Variants in MYZAP observed in about 807,000 individuals in gnomAD.
MYZAP encodes GRINL1A complex locus upstream.
MYZAP carries 66 observed loss-of-function variants against 69.4 expected under a neutral mutation model. The observed-to-expected ratio is 0.95, with a 90% CI of 0.78 to 1.17. The LOEUF (loss-of-function observed/expected upper bound fraction) is 1.17, where lower values mean the gene tolerates loss of function less well. MYZAP is among the 50% of genes most tolerant of loss of function. The pLI is 0.00. For synonymous variants in MYZAP, 256 were observed against 205.9 expected (o/e 1.24, Z -2.09); for missense variants, 611 against 556.2 (o/e 1.10, Z -0.99).
intron 2 of MYZAP, among the ~76,000 whole-genome samples, chr15:57,614,162 T>C (rs1171541615): frequency 2.0e-5 from 3 of 152,226 alleles, no homozygotes; most frequent in Admixed American, 6.5e-5. Flanking sequence ...TTCACTTCAT[T>C]TGGACCATAT....
At chr15:57,600,605 T>C (rs1455280081) in intron 1 of MYZAP, among the ~76,000 whole-genome samples, 1 of 152,192 alleles carries the variant, frequency 6.6e-6, no homozygotes, top group Non-Finnish European at 1.5e-5. Flanking sequence ...ACCCCCTTTC[T>C]GAAAATTATG....
intron 10 of MYZAP, chr15:57,645,992 A>T (rs1203109811): frequency 2.7e-6 from 1 of 364,162 alleles, no homozygotes; most frequent in Non-Finnish European, 5.3e-6. Flanking sequence ...AATGTGCAAC[A>T]CACGAAAGTA....
At position 57,635,027 on chromosome 15, in the gene MYZAP, C is replaced by G. The variant is rs148166992; in HGVS notation, c.933+1286C>G. Among the ~76,000 whole-genome samples the G allele has an allele frequency of 1.9e-3, 294 of 152,236 alleles. 3 individuals carry two copies. The highest frequency in any genetic ancestry group is 6.7e-3 in the African/African-American group (280 of 41,540). ...CAGGTTTTTCTGCAGCGTAAAGAAG[C>G]AAGGTGAGCCGGCAGCATAGCAGGG... On this transcript the variant is annotated intron_variant, in intron 8 of 12. Coordinates refer to ENST00000267853, the MANE Select transcript of MYZAP (RefSeq NM_001018100.5).
intron 7 of MYZAP, among the ~76,000 whole-genome samples, 157 bp downstream of exon 7, chr15:57,632,716 C>G (rs1343458898): frequency 1.3e-5 from 2 of 152,136 alleles, no homozygotes; most frequent in African/African-American, 2.4e-5. Context: ...ATTCACTCCC[C>G]TCCCCTCTTC....
In MYZAP at chr15:57,639,512, C is replaced by G; in HGVS notation, c.1086C>G (p.Cys362Trp). Residue 362 changes from cysteine to tryptophan, a missense_variant, in exon 10 of 13, where the codon TGC (cysteine) becomes TGG (tryptophan). Coordinates refer to ENST00000267853, the MANE Select transcript of MYZAP (RefSeq NM_001018100.5). The part of the protein sequence containing the change: ...RIRHLDDMVH[C>W]QQKKVKQMVE... The stretch of plus-strand genomic sequence containing the variant: ...GACACCTAGATGACATGGTGCATTG[C>G]CAGCAGAAGAAAGTCAAGCAGATGG... 6.2e-7 allele frequency: 1 copy of G among 1,613,948 alleles called. No homozygotes were observed. The highest frequency in any genetic ancestry group is 8.5e-7 in the Non-Finnish European group (1 of 1,179,956).
intron 11 of MYZAP, among the ~76,000 whole-genome samples, chr15:57,673,507 T>TGA (rs1473203991): frequency 2.0e-5 from 3 of 150,054 alleles, no homozygotes; most frequent in Non-Finnish European, 4.4e-5. Context: ...TGTGTGTGTG[T>TGA]GTGTGTGTGT....
intron 12 of MYZAP, among the ~76,000 whole-genome samples, chr15:57,677,380 C>G (rs751252227): frequency 5.3e-5 from 8 of 152,172 alleles, no homozygotes; most frequent in Non-Finnish European, 1.0e-4. Context: ...TTATGGATGC[C>G]AGAACTGGGG....
At chr15:57,669,017 A>C (rs2038742182) in intron 11 of MYZAP, among the ~76,000 whole-genome samples, 1 of 151,680 alleles carries the variant, frequency 6.6e-6, no homozygotes, top group African/African-American at 2.4e-5. Flanking sequence ...CAGCCTCCTG[A>C]GTAGCTGGCA....
At chr15:57,678,854 C>CT (rs145827201) in intron 12 of MYZAP, among the ~76,000 whole-genome samples, 104 of 147,526 alleles carry the variant, frequency 7.0e-4, no homozygotes, top group Non-Finnish European at 1.1e-3. Context: ...AGCTGCTCTA[C>CT]TTTTTTTTTT....
At chr15:57,678,649 C>G (rs1249662516) in intron 12 of MYZAP, among the ~76,000 whole-genome samples, 2 of 152,006 alleles carry the variant, frequency 1.3e-5, no homozygotes, top group African/African-American at 4.8e-5. Flanking sequence ...TCTAGACACC[C>G]CGTCTAGACA....
intron 9 of MYZAP, among the ~76,000 whole-genome samples, chr15:57,638,219 C>T (rs974327980): frequency 6.6e-6 from 1 of 152,188 alleles, no homozygotes; most frequent in Non-Finnish European, 1.5e-5. Context: ...ATGAAAAACA[C>T]GGAATAGTAC....
In MYZAP at chr15:57,647,990, A is replaced by G. The variant is rs1269850292; in HGVS notation, c.1119+8445A>G. On this transcript the variant is annotated intron_variant, in intron 10 of 12. Transcript: ENST00000267853. ...CCTTAGCCTTGGACTCCAAGGCTAC[A>G]GCTCTGTCTCGTGGCCACTCAAGCC... 6.1e-6 allele frequency: 6 copies of G among 985,240 alleles called. No individual in the cohort carries two copies. The Admixed American group carries it at 2.5e-4, about 40-fold the overall frequency. The allele number at this position is 985,240 out of a possible 1,614,324, so 61.0% of individuals were successfully genotyped here. A position where few individuals can be genotyped will look rare whatever the true frequency, so the allele number is the denominator to read the frequency against.
At chr15:57,597,301 G>A (rs1267719307) in intron 1 of MYZAP, among the ~76,000 whole-genome samples, 5 of 152,148 alleles carry the variant, frequency 3.3e-5, no homozygotes, top group African/African-American at 7.2e-5. Flanking sequence ...TAGCCATGTC[G>A]AGGCCTCATC....
chr15:57,669,856 A>G (rs1197062236), intron 11 of MYZAP, among the ~76,000 whole-genome samples: 1 of 152,156 alleles, frequency 6.6e-6, no homozygotes, highest in Non-Finnish European at 1.5e-5. Flanking sequence ...CTTCCAGTTC[A>G]AAATATTTCC....
At position 57,591,934 on chromosome 15, in the gene MYZAP, C is replaced by G. The variant is rs952775911; in HGVS notation, c.-101C>G. On this transcript the variant is annotated 5_prime_UTR_variant, in exon 1 of 13. Coordinates refer to ENST00000267853, the MANE Select transcript of MYZAP (RefSeq NM_001018100.5). ...CGGTGCAGCTGAGGCTGCAAGTAGCCGGCGCCGTCCCGCGTCGCCCCCGCG... is the reference window on the plus strand; with the variant it reads ...CGGTGCAGCTGAGGCTGCAAGTAGCGGGCGCCGTCCCGCGTCGCCCCCGCG... The G allele has an allele frequency of 8.9e-7, 1 of 1,129,554 alleles. No homozygotes were observed. The highest frequency in any genetic ancestry group is 1.1e-6 in the Non-Finnish European group (1 of 898,648). The allele number at this position is 1,129,554 out of a possible 1,614,324, so 70.0% of individuals were successfully genotyped here.
At chr15:57,651,597 C>T (rs1567228610) in intron 10 of MYZAP, among the ~76,000 whole-genome samples, 1 of 152,164 alleles carries the variant, frequency 6.6e-6, no homozygotes, top group Non-Finnish European at 1.5e-5. Context: ...CTGGGCCTTG[C>T]CCTCACAGAT....
At chr15:57,669,619 G>A (rs1189654922) in intron 11 of MYZAP, among the ~76,000 whole-genome samples, 1 of 152,052 alleles carries the variant, frequency 6.6e-6, no homozygotes, top group Non-Finnish European at 1.5e-5. Flanking sequence ...TCCATTGCTT[G>A]TCTGCTTTCT....
Position 57,633,752 on chromosome 15 carries a change from G to A in MYZAP, c.933+11G>A. 1 of 1,559,920 alleles carries A rather than the reference G, an allele frequency of 6.4e-7. No homozygotes were observed. The highest frequency in any genetic ancestry group is 8.7e-7 in the Non-Finnish European group (1 of 1,153,334). The stretch of plus-strand genomic sequence containing the variant: ...GAGCGCATGGAAAAGGTAGGACACA[G>A]CGTTGGGCCTATTGCCCACTTGCCC... On this transcript the variant is annotated intron_variant, in intron 8 of 12. Transcript: ENST00000267853.
intron 11 of MYZAP, among the ~76,000 whole-genome samples, chr15:57,667,959 A>C (rs917232059): frequency 6.6e-6 from 1 of 152,088 alleles, no homozygotes; most frequent in African/African-American, 2.4e-5. Context: ...TTTTCTGTAG[A>C]TGGTGAGTCA....
Sources: gnomAD v4.1 joint callset for allele counts (sites outside exome capture counted in the v4.1 genomes callset) on GRCh38, gnomAD v4.1.1 for gene constraint, MANE v1.5 for transcripts, NCBI Gene and HGNC (gene_info 2026-07-23, HGNC 2026-07-21) for gene names.